TSBP1: variants seen among roughly 807,000 people sequenced by gnomAD.
The protein encoded by TSBP1 is testis-expressed basic protein 1.
In TSBP1, 56 loss-of-function variants were observed where a neutral mutation model predicts 68.8. That is an observed-to-expected ratio of 0.81 (90% confidence interval 0.66 to 1.02). The LOEUF (loss-of-function observed/expected upper bound fraction) is 1.02. TSBP1 is among the 50% of genes least tolerant of loss of function. TSBP1 has a pLI of 0.00. For synonymous variants in TSBP1, 171 were observed against 208.7 expected, an observed-to-expected ratio of 0.82 and a Z score of 1.56; for missense variants, 502 against 641.2, an observed-to-expected ratio of 0.78 and a Z score of 2.34.
At position 32,352,074 on chromosome 6, in the gene TSBP1, T is replaced by C. The variant is rs868474667; in HGVS notation, c.260-2245A>G. Among the ~76,000 whole-genome samples the C allele has an allele frequency of 3.9e-5, 6 of 152,134 alleles. 1 individual carries two copies. The South Asian group carries it at 1.0e-3, about 26-fold the overall frequency. On this transcript the variant is annotated intron_variant, in intron 8 of 22. Coordinates refer to ENST00000612031, the Ensembl canonical transcript of TSBP1. ...AGCTATTTTCAGCCATATGAAGGCT[T>C]AGAAAATTTTTCACATACATGTAGA...
Position 32,315,903 on chromosome 6 carries a change from G to T in TSBP1, c.560-111C>A, listed in dbSNP as rs146226808. 111 of 654,068 alleles carry T rather than the reference G, an allele frequency of 1.7e-4. No homozygotes were observed. The highest frequency in any genetic ancestry group is 9.0e-4 in the Admixed American group (32 of 35,738). 40.5% of individuals were successfully genotyped at this position (654,068 alleles called of 1,614,324 possible). On this transcript the variant is annotated intron_variant, in intron 18 of 22. Transcript: ENST00000612031. The surrounding 1 kb of genome is among the most constrained non-coding windows in gnomAD (Gnocchi z 5.4). ...TGAGGGGAGGACTTGTGTGGGCAAA[G>T]AAGGAAGCATTCCAAACCACCCTAT...
chr6:32,366,084 G>A, intron 6 of TSBP1, 83 bp downstream of exon 6: 1 of 1,573,264 alleles, frequency 6.4e-7, no homozygotes, highest in East Asian at 2.3e-5. Flanking sequence ...TTAAATTTTG[G>A]TCAGTTTTTA....
chr6:32,324,424 C>G (rs1024371047), intron 16 of TSBP1: 2 of 697,020 alleles, frequency 2.9e-6, no homozygotes, highest in African/African-American at 1.8e-5. Context: ...CTTATCTCTT[C>G]CCTTTTTGCA....
intron 16 of TSBP1, chr6:32,324,550 G>A: frequency 6.9e-7 from 1 of 1,439,268 alleles, no homozygotes; most frequent in Non-Finnish European, 9.5e-7. Flanking sequence ...AAGAGGCCAA[G>A]ATATATCTCA....
At chr6:32,366,301 T>C in exon 5 of TSBP1, 1 of 1,600,902 alleles carries the variant, frequency 6.2e-7, no homozygotes. Flanking sequence ...CATGTCGGGA[T>C]CCTAAAAGAG....
intron 6 of TSBP1, among the ~76,000 whole-genome samples, chr6:32,363,365 C>T (rs984217719): frequency 2.6e-5 from 4 of 152,014 alleles, no homozygotes; most frequent in Admixed American, 6.6e-5. Flanking sequence ...AATCCATTTA[C>T]GTTCAAGTAA....
intron 19 of TSBP1, among the ~76,000 whole-genome samples, chr6:32,305,940 C>A (rs1377412707): frequency 6.6e-6 from 1 of 152,322 alleles, no homozygotes; most frequent in East Asian, 1.9e-4. Context: ...TAATAAGAGA[C>A]ATAGCAGGAG....
chr6:32,292,745 A>G lies in TSBP1; in HGVS notation c.*236T>C. ...AAATGTTTTACTTCAGAAAGTATCCAGTCTTTCTTGACGGAATCATATACG... is the reference window on the plus strand; with the variant it reads ...AAATGTTTTACTTCAGAAAGTATCCGGTCTTTCTTGACGGAATCATATACG... On this transcript the variant is annotated 3_prime_UTR_variant, in exon 23 of 23. Coordinates refer to ENST00000612031, the Ensembl canonical transcript of TSBP1. This position sits in a 1 kb window ranked among gnomAD's most constrained non-coding sequence, Gnocchi z 4.1. 4.2e-6 allele frequency: 2 copies of G among 474,630 alleles called. No homozygotes were observed. The highest frequency in any genetic ancestry group is 7.3e-6 in the Non-Finnish European group (2 of 273,296). 29.4% of individuals were successfully genotyped at this position (474,630 alleles called of 1,614,324 possible). A position where few individuals can be genotyped will look rare whatever the true frequency, so the allele number is the denominator to read the frequency against.
intron 22 of TSBP1, among the ~76,000 whole-genome samples, chr6:32,298,957 A>G (rs1175884628): frequency 6.6e-6 from 1 of 152,228 alleles, no homozygotes; most frequent in Non-Finnish European, 1.5e-5. Flanking sequence ...GCGGTCTTCT[A>G]TTTTTAAAAG....
intron 8 of TSBP1, 106 bp from the exon 9 acceptor site, chr6:32,349,866 A>G (rs772235719): frequency 3.2e-5 from 39 of 1,216,718 alleles, no homozygotes; most frequent in Non-Finnish European, 4.4e-5. Flanking sequence ...GAGGATAGAA[A>G]TGAGTCACAA....
intron 16 of TSBP1, chr6:32,326,130 T>C: frequency 5.7e-6 from 8 of 1,393,940 alleles, no homozygotes; most frequent in Non-Finnish European, 8.1e-6. Flanking sequence ...AAAGTGGCTA[T>C]TGTGGTTCCA....
Position 32,333,661 on chromosome 6 carries a change from A to G in TSBP1, c.473-1607T>C, listed in dbSNP as rs1254333217. On this transcript the variant is annotated intron_variant, in intron 14 of 22. Transcript: ENST00000612031. The surrounding 1 kb of genome is among the most constrained non-coding windows in gnomAD (Gnocchi z 4.2). ...GATAGCTGTTAATGCCCTTGCTGGC[A>G]AACTGTGCTTCCTCCCTTAGGTCCT... 6.6e-6 allele frequency among the ~76,000 whole-genome samples: 1 copy of G among 152,200 alleles called. No individual in the cohort carries two copies. Among genetic ancestry groups the G allele is most frequent in the Non-Finnish European group, 1.5e-5 (1 of 68,036 alleles).
Position 32,361,843 on chromosome 6 carries a change from C to T in TSBP1, c.217+4324G>A, listed in dbSNP as rs373667205. Among the ~76,000 whole-genome samples the T allele has an allele frequency of 1.2e-4, 18 of 152,064 alleles. No homozygotes were observed. The highest frequency in any genetic ancestry group is 1.8e-4 in the Non-Finnish European group (12 of 67,986). ...ATTACTGTGGTTTTAATGTCCTCTC[C>T]GAAACTCATGTTGAAACTTAATCCT... is the stretch of plus-strand genomic sequence containing the variant. On this transcript the variant is annotated intron_variant, in intron 6 of 22. Transcript: ENST00000612031. The surrounding 1 kb of genome is among the most constrained non-coding windows in gnomAD (Gnocchi z 4.3).
intron 6 of TSBP1, among the ~76,000 whole-genome samples, chr6:32,363,393 CTT>C (rs1773284903): frequency 6.6e-6 from 1 of 151,934 alleles, no homozygotes; most frequent in Non-Finnish European, 1.5e-5. Context: ...TAGTTAAGGA[CTT>C]AATATAGTTA....
At chr6:32,354,094 G>A (rs1180652578) in intron 8 of TSBP1, among the ~76,000 whole-genome samples, 1 of 152,028 alleles carries the variant, frequency 6.6e-6, no homozygotes, top group Non-Finnish European at 1.5e-5. Flanking sequence ...ATTGTGTGGT[G>A]TTGGGGGAGA....
At chr6:32,327,418 G>A (rs967829429) in intron 16 of TSBP1, among the ~76,000 whole-genome samples, 1 of 152,080 alleles carries the variant, frequency 6.6e-6, no homozygotes, top group Non-Finnish European at 1.5e-5. Context: ...AGAGGATATG[G>A]GGGGCCCTAA....
At chr6:32,310,761 A>ATATATATATATATATATATATTTTTTTT in intron 19 of TSBP1, among the ~76,000 whole-genome samples, 2 of 144,834 alleles carry the variant, frequency 1.4e-5, no homozygotes, top group South Asian at 4.4e-4. Context: ...ATATATATAT[A>ATATATATATATATATATATATTTTTTTT]TTTTTAATCT....
chr6:32,293,286 C>T (rs373310192), exon 23 of TSBP1: 5 of 1,611,958 alleles, frequency 3.1e-6, no homozygotes, highest in South Asian at 1.1e-5. Context: ...GGTACACTCA[C>T]CTCAGTGTTC....
chr6:32,339,501 T>A (rs1276009977), intron 10 of TSBP1, 99 bp downstream of exon 11: 2 of 761,356 alleles, frequency 2.6e-6, no homozygotes, highest in South Asian at 2.7e-5. Flanking sequence ...TCATTACACA[T>A]GGTATGCATG....
Sources: allele counts gnomAD v4.1 joint callset (sites outside exome capture counted in the v4.1 genomes callset), GRCh38; gene constraint gnomAD v4.1.1; non-coding constraint Gnocchi (gnomAD v3.1); transcripts MANE v1.5; gene names NCBI Gene and HGNC (gene_info 2026-07-23, HGNC 2026-07-21).